Variants in WDR47 observed in about 807,000 individuals in gnomAD.
WDR47 encodes WD repeat domain 47, also known as WD repeat-containing protein 47.
A neutral mutation model predicts 97.2 loss-of-function variants in WDR47; 32 were observed. The observed-to-expected ratio is 0.33, with a 90% confidence interval of 0.25 to 0.44. The LOEUF (loss-of-function observed/expected upper bound fraction) is 0.44. WDR47 is among the 20% of genes least tolerant of loss of function. WDR47 has a pLI of 1.00. For synonymous variants in WDR47, 375 were observed against 373.5 expected, an observed-to-expected ratio of 1.00 and a Z score of -0.05; for missense variants, 782 against 1,102.3, an observed-to-expected ratio of 0.71 and a Z score of 4.11.
At chr1:108,987,888 T>C (rs903034516) in intron 9 of WDR47, among the ~76,000 whole-genome samples, 1 of 152,084 alleles carries the variant, frequency 6.6e-6, no homozygotes, top group Non-Finnish European at 1.5e-5. Flanking sequence ...ATTGCTAAAC[T>C]AAGCTCAGTT....
intron 1 of WDR47, among the ~76,000 whole-genome samples, chr1:109,029,869 T>A (rs1227899516): frequency 2.1e-5 from 3 of 145,654 alleles, no homozygotes; most frequent in East Asian, 2.0e-4. Flanking sequence ...GAGAAAGACT[T>A]CGTCTCAAAA....
chr1:108,990,000 A>AT (rs1193110899), intron 9 of WDR47, among the ~76,000 whole-genome samples: 10 of 152,010 alleles, frequency 6.6e-5, no homozygotes, highest in African/African-American at 2.4e-4. Flanking sequence ...CAGCCTTAAA[A>AT]TTTTTTTAAA....
At chr1:109,027,689 A>G (rs80234502) in intron 1 of WDR47, among the ~76,000 whole-genome samples, 1 of 151,862 alleles carries the variant, frequency 6.6e-6, no homozygotes, top group Non-Finnish European at 1.5e-5. Context: ...ACGCCCGGCT[A>G]ATTTTTGTAT....
chr1:109,003,145 AT>A (rs1328515234), intron 6 of WDR47, among the ~76,000 whole-genome samples: 2 of 152,320 alleles, frequency 1.3e-5, no homozygotes, highest in East Asian at 3.9e-4. Context: ...GGAGTGTTTT[AT>A]ACATGTCTGT....
At chr1:108,986,418 A>T in intron 10 of WDR47, 105 bp downstream of exon 10, 1 of 1,016,142 alleles carries the variant, frequency 9.8e-7, no homozygotes, top group Non-Finnish European at 1.4e-6. Flanking sequence ...CGAAGGAAAG[A>T]AAGTAAGATT....
intron 1 of WDR47, chr1:109,041,421 TGCCCAGAAAGGGACGCGAGCGC>T (rs1374416155): frequency 1.3e-5 from 2 of 152,292 alleles, no homozygotes; most frequent in African/African-American, 4.8e-5. Context: ...GGCCAAGGCG[TGCCCAGAAAGGGACGCGAGCGC>T]GCCCCTCAGT....
At chr1:109,037,938 TTC>T (rs1410199001) in intron 1 of WDR47, among the ~76,000 whole-genome samples, 1 of 152,038 alleles carries the variant, frequency 6.6e-6, no homozygotes, top group Non-Finnish European at 1.5e-5. Context: ...GCTCAAGTGA[TTC>T]TCTCACCTCA....
intron 6 of WDR47, among the ~76,000 whole-genome samples, chr1:109,003,993 G>T (rs1435895394): frequency 1.3e-5 from 2 of 152,064 alleles, no homozygotes; most frequent in African/African-American, 2.4e-5. Context: ...GGCCGGGCGC[G>T]GTGGCTCAAG....
At chr1:109,036,331 T>C (rs1016065451) in intron 1 of WDR47, among the ~76,000 whole-genome samples, 3 of 151,850 alleles carry the variant, frequency 2.0e-5, no homozygotes, top group Non-Finnish European at 4.4e-5. Flanking sequence ...CCCAGCACTA[T>C]AGGAGCCTGA....
chr1:108,975,558 T>C (rs1472096457), intron 13 of WDR47, among the ~76,000 whole-genome samples: 1 of 151,156 alleles, frequency 6.6e-6, no homozygotes, highest in Non-Finnish European at 1.5e-5. Flanking sequence ...GAGGCGGAGG[T>C]TGCAGTGAGC....
In WDR47 at chr1:108,997,584, G is replaced by A. The variant is rs190256399; in HGVS notation, c.1434-1747C>T. On this transcript the variant is annotated intron_variant, in intron 7 of 14. Coordinates refer to ENST00000369962, the MANE Select transcript of WDR47 (RefSeq NM_001142551.2). Reference sequence around the variant, plus strand: ...ATCCTGGCTAACACGGTGAAACCCCGTCTCTACTAAAAATACAAAAAAAAA... The same window carrying A: ...ATCCTGGCTAACACGGTGAAACCCCATCTCTACTAAAAATACAAAAAAAAA... Among the ~76,000 whole-genome samples the A allele has an allele frequency of 3.7e-4, 56 of 151,624 alleles. No homozygotes were observed. The East Asian group carries it at 7.5e-3, about 20-fold the overall frequency.
Position 109,003,691 on chromosome 1 carries a change from G to C in WDR47, c.1254+901C>G, listed in dbSNP as rs924115445. ...GCTGATTTTTTGTATTTTTAGTAGA[G>C]ATGGGGTTTCACCATGTTGCCTAGG... On this transcript the variant is annotated intron_variant, in intron 6 of 14. Coordinates refer to ENST00000369962, the MANE Select transcript of WDR47 (RefSeq NM_001142551.2). Among the ~76,000 whole-genome samples, 3 of 152,180 alleles carry C rather than the reference G, an allele frequency of 2.0e-5. No homozygotes were observed. The East Asian group carries it at 5.8e-4, about 30-fold the overall frequency.
At chr1:109,006,360 TC>T (rs869033629) in intron 5 of WDR47, among the ~76,000 whole-genome samples, 1 of 145,290 alleles carries the variant, frequency 6.9e-6, no homozygotes, top group Non-Finnish European at 1.5e-5. Context: ...GCCATTGCAG[TC>T]CAGCCTGGGC....
chr1:109,037,516 C>T (rs547413821), intron 1 of WDR47, among the ~76,000 whole-genome samples: 2 of 150,480 alleles, frequency 1.3e-5, no homozygotes, highest in Non-Finnish European at 3.0e-5. Flanking sequence ...ATCCCAGCTA[C>T]TCAGAGAGGC....
At chr1:108,991,083 G>A (rs1183157112) in intron 9 of WDR47, among the ~76,000 whole-genome samples, 171 bp downstream of exon 9, 1 of 151,572 alleles carries the variant, frequency 6.6e-6, no homozygotes, top group East Asian at 1.9e-4. Context: ...TGCGATTCTA[G>A]TACTCTACAA....
intron 2 of WDR47, among the ~76,000 whole-genome samples, chr1:109,018,744 G>A (rs1292923600): frequency 6.6e-6 from 1 of 151,882 alleles, no homozygotes; most frequent in East Asian, 1.9e-4. Flanking sequence ...GAGCCCAGAT[G>A]TCAAGGCTGC....
At chr1:109,026,551 G>A (rs1363459882) in intron 1 of WDR47, among the ~76,000 whole-genome samples, 1 of 151,952 alleles carries the variant, frequency 6.6e-6, no homozygotes, top group Non-Finnish European at 1.5e-5. Flanking sequence ...TAGCCCTTCA[G>A]GTAATTCTTA....
chr1:108,976,771 C>T (rs1260428847), intron 13 of WDR47, among the ~76,000 whole-genome samples: 1 of 152,038 alleles, frequency 6.6e-6, no homozygotes, highest in Non-Finnish European at 1.5e-5. Context: ...CATGAGAAGA[C>T]AAGAGGAGGA....
At chr1:108,999,788 T>C (rs34537247) in intron 7 of WDR47, among the ~76,000 whole-genome samples, 10,115 of 152,190 alleles carry the variant, frequency 0.066, 469 homozygotes, top group Middle Eastern at 0.13. Context: ...CTAACCACTA[T>C]TGGGGAGGAG....
Sources: allele counts gnomAD v4.1 joint callset (sites outside exome capture counted in the v4.1 genomes callset), GRCh38; gene constraint gnomAD v4.1.1; transcripts MANE v1.5; gene names NCBI Gene and HGNC (gene_info 2026-07-23, HGNC 2026-07-21).